CELF2: variants seen among roughly 807,000 people sequenced by gnomAD.
CELF2 encodes the protein CUG triplet repeat RNA-binding protein 2.
A neutral mutation model predicts 62.6 loss-of-function variants in CELF2; 8 were observed. That is an observed-to-expected ratio of 0.13 (90% CI 0.07 to 0.23). CELF2 has a LOEUF of 0.23. Ranked by LOEUF, CELF2 falls within the 10% of genes least tolerant of loss-of-function variation. CELF2 has a pLI of 1.00. For missense variants in CELF2, 333 were observed against 671.0 expected, an observed-to-expected ratio of 0.50 and a Z score of 5.56; for synonymous variants, 258 against 250.0, an observed-to-expected ratio of 1.03 and a Z score of -0.30.
chr10:10,677,721 TTTA>T, the CELF2 span, among the ~76,000 whole-genome samples: 1 of 152,176 alleles, frequency 6.6e-6, no homozygotes, highest in Non-Finnish European at 1.5e-5. Context: ...CAGCCTCATG[TTTA>T]TTGTTTTACA....
chr10:10,764,460 A>C, the CELF2 span, among the ~76,000 whole-genome samples: 1 of 152,216 alleles, frequency 6.6e-6, no homozygotes, highest in African/African-American at 2.4e-5. Context: ...ACGACTGCTC[A>C]TGCAGACCTA....
intron 1 of CELF2, among the ~76,000 whole-genome samples, chr10:10,804,617 A>G (rs1205966960): frequency 6.6e-6 from 1 of 152,262 alleles, no homozygotes; most frequent in Non-Finnish European, 1.5e-5. Flanking sequence ...GGTTTACTGC[A>G]TCCCTTAAAT....
chr10:10,906,964 C>G (rs1284321413), intron 1 of CELF2, among the ~76,000 whole-genome samples: 1 of 151,950 alleles, frequency 6.6e-6, no homozygotes, highest in Non-Finnish European at 1.5e-5. Context: ...TGATCCACCC[C>G]CCTCAGCCTC....
intron 2 of CELF2, among the ~76,000 whole-genome samples, chr10:10,961,342 GA>G (rs1354938643): frequency 6.6e-6 from 1 of 152,190 alleles, no homozygotes; most frequent in Non-Finnish European, 1.5e-5. Context: ...AATGTATTGT[GA>G]AATGTTACCA....
At chr10:10,724,656 A>C in the CELF2 span, among the ~76,000 whole-genome samples, 1 of 47,630 alleles carries the variant, frequency 2.1e-5, no homozygotes, top group Non-Finnish European at 6.3e-5. Context: ...ACTCCGTCTC[A>C]AAAAAAAAAA....
chr10:10,931,864 C>T lies in CELF2; in HGVS notation c.89+11865C>T, dbSNP rs566931167. ...CCACATGGCTAGGGAGGCCTCACAA[C>T]CATGGCAGAAGGTGAATGAGGATCA... On this transcript the variant is annotated intron_variant, in intron 2 of 13. Transcript: ENST00000636488. This position sits in a 1 kb window ranked among gnomAD's most constrained non-coding sequence, Gnocchi z 6.1. 2.6e-5 allele frequency among the ~76,000 whole-genome samples: 4 copies of T among 152,256 alleles called. No homozygotes were observed. Among genetic ancestry groups the T allele is most frequent in the Admixed American group, 2.0e-4 (3 of 15,290 alleles).
the CELF2 span, among the ~76,000 whole-genome samples, chr10:10,475,796 A>C: frequency 6.6e-6 from 1 of 152,140 alleles, no homozygotes; most frequent in Non-Finnish European, 1.5e-5. Context: ...TGAATGCTTA[A>C]ACTCTCAATT....
rs1013763430 is a variant in CELF2 at position 10,972,741 on chromosome 10, G to A, written c.89+52742G>A. 4.6e-5 allele frequency among the ~76,000 whole-genome samples: 7 copies of A among 151,992 alleles called. No individual in the cohort carries two copies. The highest frequency in any genetic ancestry group is 1.0e-4 in the Non-Finnish European group (7 of 67,986). ...ACTCAACGAGCCTCCAACTCACAAG[G>A]TCACGTCCACTCACACCCTTCCTTT... On this transcript the variant is annotated intron_variant, in intron 2 of 13. Transcript: ENST00000636488. The surrounding 1 kb of genome is among the most constrained non-coding windows in gnomAD (Gnocchi z 4.4).
At chr10:10,506,897 T>C in the CELF2 span, among the ~76,000 whole-genome samples, 1 of 151,816 alleles carries the variant, frequency 6.6e-6, no homozygotes, top group Admixed American at 6.6e-5. Flanking sequence ...ACTCCTGACC[T>C]AAAGTGATCC....
chr10:11,253,897 C>T (rs1292115954), intron 4 of CELF2, among the ~76,000 whole-genome samples: 1 of 152,038 alleles, frequency 6.6e-6, no homozygotes, highest in Non-Finnish European at 1.5e-5. Flanking sequence ...ATGACTTTTA[C>T]CCTTCAAGTG....
chr10:11,034,790 T>C (rs2060697496), intron 1 of CELF2, among the ~76,000 whole-genome samples: 1 of 152,172 alleles, frequency 6.6e-6, no homozygotes, highest in Non-Finnish European at 1.5e-5. Flanking sequence ...GCCTGTCCTT[T>C]TGCTCCCTAA....
chr10:10,842,926 C>T (rs1273299458), intron 1 of CELF2, among the ~76,000 whole-genome samples: 2 of 151,996 alleles, frequency 1.3e-5, no homozygotes, highest in South Asian at 2.1e-4. Context: ...GCCTGGTACA[C>T]TTCTTTGGGA....
rs893611938 is a variant in CELF2 at position 11,178,281 on chromosome 10, G to A, written c.271+12599G>A. 3.3e-5 allele frequency among the ~76,000 whole-genome samples: 5 copies of A among 152,212 alleles called. No homozygotes were observed. The highest frequency in any genetic ancestry group is 3.9e-4 in the East Asian group (2 of 5,194). The stretch of plus-strand genomic sequence containing the variant: ...GGAACTGGACGGTGACCACCAGTCC[G>A]TTTTACACAGGCCACCATACAGCTG... On this transcript the variant is annotated intron_variant, in intron 2 of 12. Coordinates refer to ENST00000633077, the MANE Select transcript of CELF2 (RefSeq NM_001326342.2). The surrounding 1 kb of genome is among the most constrained non-coding windows in gnomAD (Gnocchi z 4.3).
the CELF2 span, among the ~76,000 whole-genome samples, chr10:10,762,231 C>A: frequency 6.6e-6 from 1 of 151,840 alleles, no homozygotes; most frequent in Non-Finnish European, 1.5e-5. Context: ...AGGAGGCAAC[C>A]CAGGAGACTT....
rs1287966040 is a variant in CELF2 at position 11,017,999 on chromosome 10, G to A, written c.-91G>A. On this transcript the variant is annotated 5_prime_UTR_variant, in exon 1 of 13. Coordinates refer to ENST00000633077, the MANE Select transcript of CELF2 (RefSeq NM_001326342.2). This position sits in a 1 kb window ranked among gnomAD's most constrained non-coding sequence, Gnocchi z 5.5. ...CGGCGGCCGCCGGGGGAGGCCGCGC[G>A]CACCTGTCCCTGCCCGTCTCGCGCC... The A allele has an allele frequency of 3.0e-6, 3 of 1,004,168 alleles. No homozygotes were observed. Among genetic ancestry groups the A allele is most frequent in the East Asian group, 1.1e-4 (1 of 9,474 alleles). 62.2% of individuals were successfully genotyped at this position (1,004,168 alleles called of 1,614,324 possible).
At chr10:11,253,560 A>G (rs1023836192) in intron 4 of CELF2, among the ~76,000 whole-genome samples, 2 of 152,250 alleles carry the variant, frequency 1.3e-5, no homozygotes, top group Admixed American at 1.3e-4. Flanking sequence ...TAGCACTAAC[A>G]CATTGAAAAG....
intron 1 of CELF2, among the ~76,000 whole-genome samples, chr10:10,837,723 C>T (rs563706881): frequency 7.2e-5 from 11 of 152,120 alleles, no homozygotes; most frequent in South Asian, 2.1e-4. Flanking sequence ...AAAACAGACC[C>T]CTCAGACACC....
chr10:11,111,213 A>G (rs968345263), intron 1 of CELF2, among the ~76,000 whole-genome samples: 3 of 152,208 alleles, frequency 2.0e-5, no homozygotes, highest in South Asian at 4.1e-4. Context: ...TCTTCTTCCC[A>G]CTGCCTGGTT....
the CELF2 span, among the ~76,000 whole-genome samples, chr10:10,650,167 C>A: frequency 6.6e-6 from 1 of 152,098 alleles, no homozygotes; most frequent in African/African-American, 2.4e-5. Context: ...TTCATTACAG[C>A]CTCATTTGAG....
Sources: allele counts gnomAD v4.1 joint callset (sites outside exome capture counted in the v4.1 genomes callset), GRCh38; gene constraint gnomAD v4.1.1; non-coding constraint Gnocchi (gnomAD v3.1); transcripts MANE v1.5; gene names NCBI Gene and HGNC (gene_info 2026-07-23, HGNC 2026-07-21).